The following AFF3 variants were observed in gnomAD, a reference collection of about 807,000 sequenced individuals.
AFF3 encodes the protein ALF transcription elongation factor 3.
In AFF3, 32 loss-of-function variants were observed where a neutral mutation model predicts 129.7. The observed-to-expected ratio is 0.25, with a 90% CI of 0.19 to 0.33. The LOEUF is 0.33. Ranked by LOEUF, AFF3 falls within the 10% of genes least tolerant of loss-of-function variation. AFF3 has a pLI of 1.00. For synonymous variants in AFF3, 644 were observed against 635.4 expected, an observed-to-expected ratio of 1.01 and a Z score of -0.20; for missense variants, 1,373 against 1,592.0, an observed-to-expected ratio of 0.86 and a Z score of 2.34.
intron 13 of AFF3, among the ~76,000 whole-genome samples, chr2:99,618,641 C>T (rs1001261781): frequency 5.3e-5 from 8 of 152,146 alleles, no homozygotes; most frequent in African/African-American, 1.9e-4. Flanking sequence ...AACAAAGTAG[C>T]CTAACCAGTA....
chr2:99,771,516 C>G (rs558730967), intron 8 of AFF3, among the ~76,000 whole-genome samples: 1 of 151,938 alleles, frequency 6.6e-6, no homozygotes, highest in Admixed American at 6.5e-5. Flanking sequence ...AGGAAGAAGG[C>G]TGGCACAAAT....
At chr2:100,140,492 T>C (rs1559142350) in intron 1 of AFF3, among the ~76,000 whole-genome samples, 1 of 152,144 alleles carries the variant, frequency 6.6e-6, no homozygotes, top group African/African-American at 2.4e-5. Flanking sequence ...CTGGAGATGG[T>C]CAGATCCCAA....
intron 4 of AFF3, among the ~76,000 whole-genome samples, chr2:100,048,265 T>G (rs192834863): frequency 6.6e-6 from 1 of 152,340 alleles, no homozygotes; most frequent in African/African-American, 2.4e-5. Context: ...ATGTTAATTA[T>G]AGAGAATTTG....
At chr2:100,068,169 T>G (rs762813519) in intron 4 of AFF3, among the ~76,000 whole-genome samples, 11 of 152,240 alleles carry the variant, frequency 7.2e-5, no homozygotes, top group Non-Finnish European at 1.6e-4. Flanking sequence ...CTTAATGCTC[T>G]AAGTTCCTGT....
chr2:99,913,140 GT>G (rs573126720), intron 7 of AFF3, among the ~76,000 whole-genome samples: 299 of 152,304 alleles, frequency 2.0e-3, no homozygotes, highest in Non-Finnish European at 3.3e-3. Context: ...GACAAAGACA[GT>G]GTCTTATTCA....
At chr2:99,659,385 G>A (rs577157391) in intron 12 of AFF3, among the ~76,000 whole-genome samples, 1 of 152,364 alleles carries the variant, frequency 6.6e-6, no homozygotes, top group African/African-American at 2.4e-5. Flanking sequence ...TGGCTGAGCT[G>A]CTAGGAGATA....
rs1674178671 is a variant in AFF3, at chr2:99,548,395, T to C, written c.*3079A>G. On this transcript the variant is annotated 3_prime_UTR_variant, in exon 25 of 25. Transcript: ENST00000672756. Reference sequence around the variant, plus strand: ...TACATTTCTGCACTGTTTGAGTTTTTACAATGAGTAGATATTACTTTTCTA... The same window carrying C: ...TACATTTCTGCACTGTTTGAGTTTTCACAATGAGTAGATATTACTTTTCTA... 5.1e-6 allele frequency: 1 copy of C among 197,094 alleles called. No individual in the cohort carries two copies. The highest frequency in any genetic ancestry group is 2.3e-5 in the African/African-American group (1 of 43,386). The allele number at this position is 197,094 out of a possible 1,614,324, so 12.2% of individuals were successfully genotyped here.
rs539738908 is a variant in AFF3, at chr2:99,578,222, G to A, written c.2918+105C>T. 5.2e-5 allele frequency: 74 copies of A among 1,429,282 alleles called. 1 individual carries two copies. The highest frequency in any genetic ancestry group is 2.5e-4 in the Middle Eastern group (1 of 4,026). The allele number at this position is 1,429,282 out of a possible 1,614,324, so 88.5% of individuals were successfully genotyped here. A position where few individuals can be genotyped will look rare whatever the true frequency, so the allele number is the denominator to read the frequency against. ...CCAAGTCCCAGGGGAAAAAAAGGCC[G>A]CACTGTAGCTGAAGGTGGCCACACC... On this transcript the variant is annotated intron_variant, in intron 18 of 24. Coordinates refer to ENST00000672756, the MANE Select transcript of AFF3 (RefSeq NM_001386135.1).
chr2:99,886,774 C>T (rs1693145785), intron 7 of AFF3, among the ~76,000 whole-genome samples: 1 of 152,186 alleles, frequency 6.6e-6, no homozygotes, highest in Non-Finnish European at 1.5e-5. Flanking sequence ...ATTCCAACAT[C>T]ATATTTCATT....
chr2:99,927,988 T>C (rs910577768), intron 7 of AFF3, among the ~76,000 whole-genome samples: 2 of 152,082 alleles, frequency 1.3e-5, no homozygotes, highest in African/African-American at 4.8e-5. Context: ...GATCTGATGG[T>C]TTTAAAAATG....
chr2:99,796,617 T>G, intron 8 of AFF3, among the ~76,000 whole-genome samples: 1 of 152,144 alleles, frequency 6.6e-6, no homozygotes, highest in East Asian at 1.9e-4. Flanking sequence ...GAGAACAAGT[T>G]GACTTGAGTT....
At chr2:99,604,810 A>T (rs1388017097) in intron 13 of AFF3, among the ~76,000 whole-genome samples, 1 of 152,234 alleles carries the variant, frequency 6.6e-6, no homozygotes, top group Non-Finnish European at 1.5e-5. Flanking sequence ...ACATCTGCCA[A>T]AGATTAGCAA....
intron 14 of AFF3, among the ~76,000 whole-genome samples, chr2:99,596,376 T>A (rs748418296): frequency 1.3e-5 from 2 of 152,148 alleles, no homozygotes; most frequent in Non-Finnish European, 2.9e-5. Context: ...CCCCTGAGAT[T>A]AGCTGAGAGT....
intron 7 of AFF3, among the ~76,000 whole-genome samples, chr2:99,900,506 G>A (rs2106139775): frequency 6.6e-6 from 1 of 152,072 alleles, no homozygotes; most frequent in East Asian, 1.9e-4. Context: ...ACAGACCACT[G>A]GACCACTGCC....
chr2:99,692,614 T>TAC (rs1675789047), intron 11 of AFF3, among the ~76,000 whole-genome samples: 1 of 152,160 alleles, frequency 6.6e-6, no homozygotes, highest in Non-Finnish European at 1.5e-5. Flanking sequence ...ATTCAAATCC[T>TAC]ACACACTTTT....
chr2:100,087,391 A>G (rs989772686), intron 4 of AFF3, among the ~76,000 whole-genome samples: 15 of 152,224 alleles, frequency 9.9e-5, no homozygotes, highest in African/African-American at 3.6e-4. Flanking sequence ...AAGCTAAAAA[A>G]AATTGAATGA....
At chr2:99,597,677 A>G (rs1303496901) in intron 14 of AFF3, among the ~76,000 whole-genome samples, 1 of 152,254 alleles carries the variant, frequency 6.6e-6, no homozygotes, top group Admixed American at 6.5e-5. Context: ...GGAAGCTGCA[A>G]GGATACAGAG....
At chr2:99,703,197 T>C (rs1253515490) in intron 11 of AFF3, among the ~76,000 whole-genome samples, 1 of 152,182 alleles carries the variant, frequency 6.6e-6, no homozygotes, top group Non-Finnish European at 1.5e-5. Context: ...CATTTCCCTG[T>C]TTTTTCCAGT....
intron 4 of AFF3, among the ~76,000 whole-genome samples, chr2:100,034,090 C>T (rs185116499): frequency 3.9e-5 from 6 of 152,288 alleles, no homozygotes; most frequent in Admixed American, 2.6e-4. Flanking sequence ...GGTTATCACT[C>T]CAGTCATGCA....
Sources: gnomAD v4.1 joint callset for allele counts (sites outside exome capture counted in the v4.1 genomes callset) on GRCh38, gnomAD v4.1.1 for gene constraint, MANE v1.5 for transcripts, NCBI Gene and HGNC (gene_info 2026-07-23, HGNC 2026-07-21) for gene names.